ONECUT3: variants seen among roughly 807,000 people sequenced by gnomAD.
ONECUT3 encodes one cut domain family member 3.
ONECUT3 carries 11 observed loss-of-function variants against 16.8 expected under a neutral mutation model. That is an observed-to-expected ratio of 0.66 (90% CI 0.41 to 1.09). The LOEUF (loss-of-function observed/expected upper bound fraction) is 1.09, where lower values mean the gene tolerates loss of function less well. Ranked by LOEUF, ONECUT3 falls within the 50% of genes least tolerant of loss-of-function variation. ONECUT3 has a pLI of 0.00. For synonymous variants in ONECUT3, 344 were observed against 310.7 expected (o/e 1.11, Z -1.13); for missense variants, 637 against 629.9 (o/e 1.01, Z -0.12).
rs1357542841 is a variant in ONECUT3 at position 1,766,831 on chromosome 19, C to T, written c.1193-8322C>T. On this transcript the variant is annotated intron_variant, in intron 1 of 1. Transcript: ENST00000382349. This position sits in a 1 kb window ranked among gnomAD's most constrained non-coding sequence, Gnocchi z 4.0. The stretch of plus-strand genomic sequence containing the variant: ...AGACCCCCCCCCCATGCTCCACCAC[C>T]CTCGTGTAGGACAACCCAGGAACAT... Among the ~76,000 whole-genome samples the T allele has an allele frequency of 1.3e-5, 2 of 152,242 alleles. No individual in the cohort carries two copies. The highest frequency in any genetic ancestry group is 3.9e-4 in the East Asian group (2 of 5,162).
At chr19:1,773,499 C>T (rs1016952085) in intron 1 of ONECUT3, among the ~76,000 whole-genome samples, 1 of 152,174 alleles carries the variant, frequency 6.6e-6, no homozygotes, top group African/African-American at 2.4e-5. Flanking sequence ...TTTCTGTGGA[C>T]GTGTATGGAC....
chr19:1,760,223 G>A (rs112582013), intron 1 of ONECUT3, among the ~76,000 whole-genome samples: 8 of 152,340 alleles, frequency 5.3e-5, no homozygotes, highest in African/African-American at 1.7e-4. Flanking sequence ...GTCAGCTTCC[G>A]CTAGGAGGGG....
intron 1 of ONECUT3, 117 bp from the exon 2 acceptor site, chr19:1,775,036 G>GTGTCCCT: frequency 1.6e-6 from 1 of 623,904 alleles, no homozygotes; most frequent in Non-Finnish European, 2.7e-6. Context: ...TTTCCCCAAC[G>GTGTCCCT]TGTCCCTTCT....
rs776792778 is a variant in ONECUT3 at position 1,775,454 on chromosome 19, G to A, written c.*9G>A. On this transcript the variant is annotated 3_prime_UTR_variant, in exon 2 of 2. Coordinates refer to ENST00000382349, the MANE Select transcript of ONECUT3 (RefSeq NM_001080488.2). ...CTTTCTCCAAGGCCTGAGGCGCCCC[G>A]GCCCCGCGCCCTCCCTGCCTCCACG... 2.6e-5 allele frequency: 38 copies of A among 1,460,680 alleles called. No homozygotes were observed. In the African/African-American group the frequency reaches 5.2e-4, roughly 20 times the overall value. The allele number at this position is 1,460,680 out of a possible 1,614,324, so 90.5% of individuals were successfully genotyped here.
rs775262575 is a variant in ONECUT3, at chr19:1,775,213, G to T, written c.1253G>T (p.Arg418Leu). The T allele has an allele frequency of 1.3e-6, 2 of 1,555,532 alleles. No individual in the cohort carries two copies. The highest frequency in any genetic ancestry group is 1.9e-5 in the Admixed American group (1 of 52,644). The change falls in exon 2 of 2, where the codon CGC (arginine) becomes CTC (leucine). Residue 418 changes from arginine (R) to leucine (L), a missense_variant. Arg to Leu is a moderately radical substitution (Grantham distance 102, BLOSUM62 -2). Transcript: ENST00000382349. Reference protein sequence around the residue: ...KERALQPKKQRLVFTDLQRRT... With the variant: ...KERALQPKKQLLVFTDLQRRT... ...CGCGCCCTGCAGCCCAAGAAGCAGCGCCTGGTGTTCACCGACCTGCAGCGA... is the reference window on the plus strand; with the variant it reads ...CGCGCCCTGCAGCCCAAGAAGCAGCTCCTGGTGTTCACCGACCTGCAGCGA...
intron 1 of ONECUT3, among the ~76,000 whole-genome samples, chr19:1,772,519 G>A (rs910959202): frequency 4.0e-5 from 6 of 151,664 alleles, no homozygotes; most frequent in African/African-American, 9.7e-5. Context: ...ATCTTTCAAC[G>A]CTAGATTTTT....
In ONECUT3 at chr19:1,754,298, C is replaced by A; in HGVS notation, c.636C>A (p.Gly212=). The change falls in exon 1 of 2, where the codon GGC becomes GGA. Residue 212 remains glycine (G), a synonymous_variant. Coordinates refer to ENST00000382349, the MANE Select transcript of ONECUT3 (RefSeq NM_001080488.2). The surrounding 1 kb of genome is among the most constrained non-coding windows in gnomAD (Gnocchi z 7.4). ...LPNALPPALH[G]APQPPPPPPP... ...ACGCGCTGCCGCCCGCGCTGCACGGCGCCCCGCAGCCCCCGCCGCCGCCAC... is the reference window on the plus strand; with the variant it reads ...ACGCGCTGCCGCCCGCGCTGCACGGAGCCCCGCAGCCCCCGCCGCCGCCAC... 9.5e-7 allele frequency: 1 copy of A among 1,053,924 alleles called. No homozygotes were observed. The allele number at this position is 1,053,924 out of a possible 1,614,324, so 65.3% of individuals were successfully genotyped here.
Position 1,753,964 on chromosome 19 carries a change from TG to T in ONECUT3, c.305del (p.Gly102AlafsTer63). 1.0e-6 allele frequency: 1 copy of T among 990,512 alleles called. No individual in the cohort carries two copies. Among genetic ancestry groups the T allele is most frequent in the Non-Finnish European group, 1.2e-6 (1 of 835,220 alleles). 61.4% of individuals were successfully genotyped at this position (990,512 alleles called of 1,614,324 possible). The part of the protein sequence containing the change: ...AMGMACEAPG[L>X]GGTYTTLTPL... Reference sequence around the variant, plus strand: ...GGCATGGCCTGCGAGGCGCCGGGCCTGGGCGGCACCTACACGACGCTCACGC... The same window carrying T: ...GGCATGGCCTGCGAGGCGCCGGGCCTGGCGGCACCTACACGACGCTCACGC... On this transcript the variant is annotated frameshift_variant, in exon 1 of 2. Coordinates refer to ENST00000382349, the MANE Select transcript of ONECUT3 (RefSeq NM_001080488.2). LOFTEE classifies it high-confidence loss of function.
chr19:1,762,063 T>C lies in ONECUT3; in HGVS notation c.1192+7209T>C, dbSNP rs2067948984. Among the ~76,000 whole-genome samples the C allele has an allele frequency of 6.6e-6, 1 of 152,184 alleles. No homozygotes were observed. Among genetic ancestry groups the C allele is most frequent in the Admixed American group, 6.5e-5 (1 of 15,284 alleles). ...CGTTCACACTGGGACGAGTGCAGAC[T>C]GACCCAGGACCCCCATCCGCCCTCT... On this transcript the variant is annotated intron_variant, in intron 1 of 1. Transcript: ENST00000382349. This position sits in a 1 kb window ranked among gnomAD's most constrained non-coding sequence, Gnocchi z 4.4.
rs2067901954 is a variant in ONECUT3, at chr19:1,753,890, C to A, written c.228C>A (p.Gly76=). 4.1e-6 allele frequency: 4 copies of A among 980,424 alleles called. No homozygotes were observed. The highest frequency in any genetic ancestry group is 1.8e-5 in the African/African-American group (1 of 56,334). The allele number at this position is 980,424 out of a possible 1,614,324, so 60.7% of individuals were successfully genotyped here. The change falls in exon 1 of 2, where the codon GGC becomes GGA. Residue 76 remains glycine (G), a synonymous_variant. Coordinates refer to ENST00000382349, the MANE Select transcript of ONECUT3 (RefSeq NM_001080488.2). ...CGGGCGGCGCGGGCAGCGCGGGCGG[C>A]GGCGCGGACTTCCGCGGGGAACTGG... ...GGAGGAGSAG[G]GADFRGELAG... is the part of the protein sequence containing the mutation.
chr19:1,768,888 TGGTGGA>T (rs1319201970), intron 1 of ONECUT3, among the ~76,000 whole-genome samples: 8 of 14,170 alleles, frequency 5.6e-4, no homozygotes, highest in African/African-American at 3.9e-3. Flanking sequence ...GAGGTGGAGG[TGGTGGA>T]GGTGGAGGTG....
In ONECUT3 at chr19:1,766,708, C is replaced by T. The variant is rs1188905311; in HGVS notation, c.1193-8445C>T. 6.6e-6 allele frequency among the ~76,000 whole-genome samples: 1 copy of T among 151,956 alleles called. No individual in the cohort carries two copies. The highest frequency in any genetic ancestry group is 1.5e-5 in the Non-Finnish European group (1 of 67,980). ...TTCAGGGCCCCTACTCAGCTACTGG[C>T]TTCCTGCTGAGGGCACTCGGGGAGC... On this transcript the variant is annotated intron_variant, in intron 1 of 1. Transcript: ENST00000382349. This position sits in a 1 kb window ranked among gnomAD's most constrained non-coding sequence, Gnocchi z 4.0.
chr19:1,760,641 C>G (rs2067941660), intron 1 of ONECUT3, among the ~76,000 whole-genome samples: 1 of 151,802 alleles, frequency 6.6e-6, no homozygotes, highest in South Asian at 2.1e-4. Flanking sequence ...CCGGAGACTC[C>G]CAGAGAGGAT....
rs527943862 is a variant in ONECUT3, at chr19:1,780,302, C to A, written c.*4857C>A. On this transcript the variant is annotated 3_prime_UTR_variant, in exon 2 of 2. Transcript: ENST00000382349. The stretch of plus-strand genomic sequence containing the variant: ...AGACCCCTCCCTCCCAGCCCACTTT[C>A]GGAGCCTACAGAACAGAGGACTCCC... The A allele has an allele frequency of 6.6e-6, 1 of 150,758 alleles. No homozygotes were observed. The highest frequency in any genetic ancestry group is 6.6e-5 in the Admixed American group (1 of 15,184). The allele number at this position is 150,758 out of a possible 1,614,324, so 9.3% of individuals were successfully genotyped here.
In ONECUT3 at chr19:1,755,514, C is replaced by A. The variant is rs1221177578; in HGVS notation, c.1192+660C>A. Among the ~76,000 whole-genome samples the A allele has an allele frequency of 6.6e-6, 1 of 151,792 alleles. No homozygotes were observed. The highest frequency in any genetic ancestry group is 1.5e-5 in the Non-Finnish European group (1 of 67,876). On this transcript the variant is annotated intron_variant, in intron 1 of 1. Coordinates refer to ENST00000382349, the MANE Select transcript of ONECUT3 (RefSeq NM_001080488.2). The surrounding 1 kb of genome is among the most constrained non-coding windows in gnomAD (Gnocchi z 7.5). ...GGCGGGGGAGGGGCGGCCCCGGGGA[C>A]CCTCGGCCCGCGCCGCCCGGAGGCC...
rs931209019 is a variant in ONECUT3, at chr19:1,777,099, CCTT to C, written c.*1661_*1663del. ...GAGAGGATCGTGAGGTCGAAGAGTG[CCTT>C]CTTCTTGAACCAAAGACGTGTATGG... On this transcript the variant is annotated 3_prime_UTR_variant, in exon 2 of 2. Transcript: ENST00000382349. 3 of 152,244 alleles carry C rather than the reference CCTT, an allele frequency of 2.0e-5. No homozygotes were observed. The highest frequency in any genetic ancestry group is 7.2e-5 in the African/African-American group (3 of 41,518). The allele number at this position is 152,244 out of a possible 1,614,324, so 9.4% of individuals were successfully genotyped here. A position where few individuals can be genotyped will look rare whatever the true frequency, so the allele number is the denominator to read the frequency against.
rs951612857 is a variant in ONECUT3, at chr19:1,778,432, T to C, written c.*2987T>C. 1 of 152,148 alleles carries C rather than the reference T, an allele frequency of 6.6e-6. No homozygotes were observed. Among genetic ancestry groups the C allele is most frequent in the African/African-American group, 2.4e-5 (1 of 41,432 alleles). The allele number at this position is 152,148 out of a possible 1,614,324, so 9.4% of individuals were successfully genotyped here. On this transcript the variant is annotated 3_prime_UTR_variant, in exon 2 of 2. Coordinates refer to ENST00000382349, the MANE Select transcript of ONECUT3 (RefSeq NM_001080488.2). ...AGGCTCTCAAAGGCAATAAAATGCT[T>C]CTGATCCAAGAGAATCACGCTGCAG...
chr19:1,778,885 C>CACACACAT lies in ONECUT3; in HGVS notation c.*3447_*3448insTACACACA, dbSNP rs1555801747. On this transcript the variant is annotated 3_prime_UTR_variant, in exon 2 of 2. Coordinates refer to ENST00000382349, the MANE Select transcript of ONECUT3 (RefSeq NM_001080488.2). The stretch of plus-strand genomic sequence containing the variant: ...TTCGTATCACACACACACACACACA[C>CACACACAT]ACACACACACACACACACACACACA... 5.5e-4 allele frequency: 82 copies of CACACACAT among 150,028 alleles called. No individual in the cohort carries two copies. Among genetic ancestry groups the CACACACAT allele is most frequent in the African/African-American group, 2.0e-3 (80 of 40,446 alleles). The allele number at this position is 150,028 out of a possible 1,614,324, so 9.3% of individuals were successfully genotyped here. A position where few individuals can be genotyped will look rare whatever the true frequency, so the allele number is the denominator to read the frequency against.
At chr19:1,767,910 C>T (rs918595309) in intron 1 of ONECUT3, among the ~76,000 whole-genome samples, 4 of 152,136 alleles carry the variant, frequency 2.6e-5, no homozygotes, top group South Asian at 2.1e-4. Context: ...TCCCAGGGCC[C>T]CGGGGACCCC....
Sources: gnomAD v4.1 joint callset for allele counts (sites outside exome capture counted in the v4.1 genomes callset) on GRCh38, gnomAD v4.1.1 for gene constraint, Gnocchi (gnomAD v3.1) non-coding constraint, MANE v1.5 for transcripts, NCBI Gene and HGNC (gene_info 2026-07-23, HGNC 2026-07-21) for gene names.